The following PKD2 variants were observed in gnomAD, a reference collection of about 807,000 sequenced individuals.
The protein encoded by PKD2 is polycystin 2, transient receptor potential cation channel.
In PKD2, 48 loss-of-function variants were observed where a neutral mutation model predicts 105.9. The observed-to-expected ratio is 0.45, with a 90% confidence interval of 0.36 to 0.58. The LOEUF (loss-of-function observed/expected upper bound fraction) is 0.58. Among genes scored for constraint, PKD2 ranks in the 20% least tolerant of loss-of-function variants. PKD2 has a pLI of 0.00. For missense variants in PKD2, 1,078 were observed against 1,255.3 expected, an observed-to-expected ratio of 0.86 and a Z score of 2.13; for synonymous variants, 464 against 481.1, an observed-to-expected ratio of 0.96 and a Z score of 0.46.
intron 2 of PKD2, among the ~76,000 whole-genome samples, chr4:88,029,732 G>T (rs998716645): frequency 2.1e-4 from 32 of 152,350 alleles, no homozygotes; most frequent in Admixed American, 2.0e-3. Flanking sequence ...GAAAGGAGAT[G>T]ACTGGGGAAA....
At chr4:88,067,416 A>G (rs924927519) in intron 12 of PKD2, among the ~76,000 whole-genome samples, 18 of 152,218 alleles carry the variant, frequency 1.2e-4, no homozygotes, top group African/African-American at 3.6e-4. Context: ...TCAAACTCCT[A>G]GGCTCAAGTG....
intron 2 of PKD2, among the ~76,000 whole-genome samples, chr4:88,034,150 T>G (rs1424876026): frequency 1.3e-5 from 2 of 152,206 alleles, no homozygotes; most frequent in Admixed American, 1.3e-4. Context: ...TGAAGAGGAC[T>G]GTTCTTGTCC....
intron 1 of PKD2, among the ~76,000 whole-genome samples, chr4:88,013,880 A>G (rs1200035821): frequency 6.6e-6 from 1 of 152,130 alleles, no homozygotes; most frequent in Non-Finnish European, 1.5e-5. Context: ...CCACCATGGA[A>G]TGGGCACGTT....
chr4:88,009,355 A>ACTTTCAAAACCTGGATTG (rs1470592902), intron 1 of PKD2, among the ~76,000 whole-genome samples: 2 of 152,208 alleles, frequency 1.3e-5, no homozygotes, highest in Non-Finnish European at 2.9e-5. Context: ...AAAGTCTTGC[A>ACTTTCAAAACCTGGATTG]CAAAAACAAT....
At chr4:88,054,087 T>C (rs1720218067) in intron 7 of PKD2, among the ~76,000 whole-genome samples, 1 of 151,762 alleles carries the variant, frequency 6.6e-6, no homozygotes. Context: ...ATAATCAAGA[T>C]AGTAATAATA....
At chr4:88,050,223 C>G (rs1202481927) in intron 6 of PKD2, among the ~76,000 whole-genome samples, 2 of 152,082 alleles carry the variant, frequency 1.3e-5, no homozygotes, top group East Asian at 3.8e-4. Context: ...ATCCGCCCAC[C>G]TCAGCCTCCC....
chr4:88,070,601 T>TATATATATAGAGAG (rs1313482750), intron 13 of PKD2, among the ~76,000 whole-genome samples: 16 of 91,476 alleles, frequency 1.7e-4, no homozygotes, highest in Admixed American at 2.8e-4. Flanking sequence ...TATATATATA[T>TATATATATAGAGAG]AGAGAGAGAG....
chr4:88,047,867 G>C (rs1727834438), intron 6 of PKD2, among the ~76,000 whole-genome samples: 1 of 152,120 alleles, frequency 6.6e-6, no homozygotes, highest in Non-Finnish European at 1.5e-5. Context: ...CAAAGGCAGA[G>C]TCATAATCAA....
Position 88,075,457 on chromosome 4 carries a change from GGAT to G in PKD2, c.2673_2675del (p.Asp891del). On this transcript the variant is annotated inframe_deletion and splice_region_variant, in exon 15 of 15. Transcript: ENST00000237596. ...ACACCAGTTTCTTTTTCCCTTTTTA[GGAT>G]GAAAGGCTGGGTCGTGACAGTGAAA... 6.2e-7 allele frequency: 1 copy of G among 1,611,840 alleles called. No individual in the cohort carries two copies. Among genetic ancestry groups the G allele is most frequent in the Non-Finnish European group, 8.5e-7 (1 of 1,178,010 alleles).
chr4:88,045,465 T>C (rs1355481918), intron 5 of PKD2, among the ~76,000 whole-genome samples: 1 of 152,226 alleles, frequency 6.6e-6, no homozygotes, highest in Non-Finnish European at 1.5e-5. Context: ...CTCATGCATG[T>C]GTCCTGTATG....
intron 6 of PKD2, 114 bp downstream of exon 6, chr4:88,046,984 T>G: frequency 2.7e-6 from 2 of 751,790 alleles, no homozygotes. Flanking sequence ...AATCTAAAAG[T>G]CCCCCTCAAT....
At chr4:88,033,639 A>G (rs1560605769) in intron 2 of PKD2, among the ~76,000 whole-genome samples, 1 of 152,280 alleles carries the variant, frequency 6.6e-6, no homozygotes, top group East Asian at 1.9e-4. Flanking sequence ...TAAATTTTCA[A>G]TTTACATACT....
At chr4:88,057,865 G>A (rs111784636) in intron 8 of PKD2, 118 bp from the exon 9 acceptor site, 74 of 783,418 alleles carry the variant, frequency 9.4e-5, no homozygotes, top group African/African-American at 4.8e-4. Context: ...TCTGTTATTC[G>A]GCAGCTACCT....
intron 2 of PKD2, among the ~76,000 whole-genome samples, chr4:88,033,582 AG>A (rs1727235093): frequency 6.6e-6 from 1 of 152,212 alleles, no homozygotes; most frequent in Non-Finnish European, 1.5e-5. Flanking sequence ...GAATTTCAAA[AG>A]CAAAAATCAA....
intron 2 of PKD2, among the ~76,000 whole-genome samples, chr4:88,035,801 C>A (rs1727310134): frequency 2.6e-5 from 4 of 152,012 alleles, no homozygotes; most frequent in Admixed American, 1.3e-4. Context: ...GGAGAGTAGG[C>A]TGGTGTGCAC....
chr4:88,047,722 G>A (rs189645898), intron 6 of PKD2, among the ~76,000 whole-genome samples: 1 of 152,284 alleles, frequency 6.6e-6, no homozygotes, highest in Non-Finnish European at 1.5e-5. Flanking sequence ...GGCAGGCCAT[G>A]CACAGTGGCT....
At chr4:88,021,853 G>A (rs925857101) in intron 2 of PKD2, among the ~76,000 whole-genome samples, 5 of 152,176 alleles carry the variant, frequency 3.3e-5, no homozygotes, top group African/African-American at 1.2e-4. Flanking sequence ...TCTCCTCTAA[G>A]CCTTCTCCAG....
At chr4:88,067,671 G>T (rs1348754347) in intron 12 of PKD2, among the ~76,000 whole-genome samples, 1 of 152,158 alleles carries the variant, frequency 6.6e-6, no homozygotes, top group Non-Finnish European at 1.5e-5. Context: ...TGCCTGCTGT[G>T]TTTTTAATGT....
intron 1 of PKD2, among the ~76,000 whole-genome samples, chr4:88,010,783 C>T (rs1407559784): frequency 6.6e-6 from 1 of 152,194 alleles, no homozygotes; most frequent in African/African-American, 2.4e-5. Context: ...TGACATGAAT[C>T]CAAGATGGAC....
Sources: allele counts gnomAD v4.1 joint callset (sites outside exome capture counted in the v4.1 genomes callset), GRCh38; gene constraint gnomAD v4.1.1; transcripts MANE v1.5; gene names NCBI Gene and HGNC (gene_info 2026-07-23, HGNC 2026-07-21).